The following GRHL1 variants were observed in gnomAD, a reference collection of about 807,000 sequenced individuals.
GRHL1 encodes the protein grainyhead-like protein 1 homolog.
A neutral mutation model predicts 75.7 loss-of-function variants in GRHL1; 38 were observed. The ratio of observed to expected loss-of-function variants is 0.50; its 90% CI spans 0.39 to 0.66. GRHL1 has a LOEUF of 0.66. GRHL1 is among the 30% of genes least tolerant of loss of function. GRHL1 has a pLI of 0.00. For synonymous variants in GRHL1, 266 were observed against 279.4 expected, an observed-to-expected ratio of 0.95 and a Z score of 0.48; for missense variants, 589 against 767.5, an observed-to-expected ratio of 0.77 and a Z score of 2.75.
intron 8 of GRHL1, among the ~76,000 whole-genome samples, chr2:9,983,839 A>G (rs1263248438): frequency 6.7e-6 from 1 of 149,002 alleles, no homozygotes; most frequent in Non-Finnish European, 1.5e-5. Flanking sequence ...TTGTGGATTT[A>G]GAGATTGTAC....
intron 2 of GRHL1, among the ~76,000 whole-genome samples, chr2:9,957,002 C>CTTT (rs764835142): frequency 4.4e-5 from 5 of 113,840 alleles, no homozygotes; most frequent in Admixed American, 8.8e-5. Flanking sequence ...TCTTCTTCTT[C>CTTT]TTTTTTTTTT....
Position 10,000,575 on chromosome 2 carries a change from T to C in GRHL1, c.1743-18T>C. 6.6e-7 allele frequency: 1 copy of C among 1,521,868 alleles called. No individual in the cohort carries two copies. Among genetic ancestry groups the C allele is most frequent in the Non-Finnish European group, 9.1e-7 (1 of 1,096,788 alleles). The allele number at this position is 1,521,868 out of a possible 1,614,324, so 94.3% of individuals were successfully genotyped here. On this transcript the variant is annotated intron_variant, in intron 15 of 15. Coordinates refer to ENST00000324907, the MANE Select transcript of GRHL1 (RefSeq NM_198182.3). ...CAAGTGGCAGTGAAGTTGGTTGGTC[T>C]TGTCCCCCCCCATCCAGGATCCTGG...
chr2:9,994,187 C>T (rs1354481141), intron 12 of GRHL1, among the ~76,000 whole-genome samples: 3 of 152,004 alleles, frequency 2.0e-5, no homozygotes, highest in African/African-American at 7.3e-5. Flanking sequence ...CTCTGAGGCC[C>T]ATGTAGGAGT....
rs1668413599 is a variant in GRHL1, at chr2:9,986,263, T to C, written c.1250T>C (p.Ile417Thr). The C allele has an allele frequency of 1.9e-6, 3 of 1,613,468 alleles. No homozygotes were observed. The highest frequency in any genetic ancestry group is 2.5e-6 in the Non-Finnish European group (3 of 1,179,786). Residue 417 changes from isoleucine to threonine, a missense_variant, in exon 9 of 16, where the codon ATC becomes ACC. This residue lies in a region of GRHL1 where 30 missense variants were observed against 40.3 expected (regional missense o/e 0.74). Transcript: ENST00000324907. ...CCTGTGCACCGGGCCTACTGCCAGA[T>C]CAAGGTCTTCTGTGACAAGGTAAGA... ...NKPVHRAYCQ[I>T]KVFCDKGAER...
Position 9,981,601 on chromosome 2 carries a change from G to A in GRHL1, c.1111-4523G>A, listed in dbSNP as rs549641891. Among the ~76,000 whole-genome samples the A allele has an allele frequency of 2.6e-5, 4 of 152,350 alleles. No individual in the cohort carries two copies. The South Asian group carries it at 8.3e-4, about 32-fold the overall frequency. On this transcript the variant is annotated intron_variant, in intron 8 of 15. Transcript: ENST00000324907. ...TACACTATTACTGCAGAGTCGAGTA[G>A]TTGCATATGACCTACGGATGTGAAA... is the stretch of plus-strand genomic sequence containing the variant.
At chr2:9,995,527 G>A (rs2125245755) in intron 12 of GRHL1, among the ~76,000 whole-genome samples, 1 of 150,878 alleles carries the variant, frequency 6.6e-6, no homozygotes, top group East Asian at 2.0e-4. Context: ...GCAGTGAGCC[G>A]TGATCCATGA....
chr2:9,977,090 C>A (rs1667978810), intron 8 of GRHL1, among the ~76,000 whole-genome samples: 1 of 152,194 alleles, frequency 6.6e-6, no homozygotes, highest in Non-Finnish European at 1.5e-5. Context: ...GGGTCCTCTA[C>A]TAGAGGTTGG....
rs775251158 is a variant in GRHL1 at position 9,961,472 on chromosome 2, G to A, written c.669+36G>A. The A allele has an allele frequency of 1.9e-5, 29 of 1,558,798 alleles. No homozygotes were observed. In the East Asian group the frequency reaches 5.0e-4, roughly 27 times the overall value. ...AAAAACATCTTCCTAAGACGCCTGC[G>A]TGTTTGTATAAGTATTGGGTTCCAC... is the stretch of plus-strand genomic sequence containing the variant. On this transcript the variant is annotated intron_variant, in intron 4 of 15. Coordinates refer to ENST00000324907, the MANE Select transcript of GRHL1 (RefSeq NM_198182.3).
Position 9,986,268 on chromosome 2 carries a change from G to A in GRHL1, c.1255G>A (p.Val419Ile). 6.2e-7 allele frequency: 1 copy of A among 1,613,252 alleles called. No individual in the cohort carries two copies. The highest frequency in any genetic ancestry group is 8.5e-7 in the Non-Finnish European group (1 of 1,179,710). The change falls in exon 9 of 16, where the codon GTC (valine) becomes ATC (isoleucine). Residue 419 changes from valine to isoleucine, a missense_variant. Physicochemically the swap from Val to Ile is conservative, Grantham distance 29. Coordinates refer to ENST00000324907, the MANE Select transcript of GRHL1 (RefSeq NM_198182.3). ...GCACCGGGCCTACTGCCAGATCAAG[G>A]TCTTCTGTGACAAGGTAAGATCGGC... ...PVHRAYCQIKVFCDKGAERKI... is the reference protein window; with the variant it reads ...PVHRAYCQIKIFCDKGAERKI...
At position 9,961,103 on chromosome 2, in the gene GRHL1, G is replaced by T; in HGVS notation, c.336G>T (p.Val112=). 2 of 1,572,466 alleles carry T rather than the reference G, an allele frequency of 1.3e-6. No homozygotes were observed. The change falls in exon 4 of 16, where the codon GTG becomes GTT. Residue 112 remains valine, a synonymous_variant. Coordinates refer to ENST00000324907, the MANE Select transcript of GRHL1 (RefSeq NM_198182.3). ...TCATCTCTGCTGGAGAAAACAGAGT[G>T]CAAGTACTGAAAAATGTGCCATTTA... is the stretch of plus-strand genomic sequence containing the variant. ...QPLISAGENR[V]QVLKNVPFNI...
intron 8 of GRHL1, among the ~76,000 whole-genome samples, chr2:9,978,632 A>G (rs1668052957): frequency 6.6e-6 from 1 of 152,304 alleles, no homozygotes; most frequent in East Asian, 1.9e-4. Flanking sequence ...TGCCTCGATG[A>G]GCACCTGTGA....
At chr2:9,962,154 C>G (rs1667306661) in intron 4 of GRHL1, among the ~76,000 whole-genome samples, 2 of 152,010 alleles carry the variant, frequency 1.3e-5, no homozygotes, top group Admixed American at 1.3e-4. Context: ...GTTGCAGGTC[C>G]TAGTGTTTGA....
chr2:10,000,474 T>C, intron 15 of GRHL1, 119 bp from the exon 16 acceptor site: 1 of 650,548 alleles, frequency 1.5e-6, no homozygotes, highest in Non-Finnish European at 2.8e-6. Flanking sequence ...CTTAAGGAGA[T>C]TTAAATAATT....
At chr2:9,953,879 A>C (rs1397971056) in intron 1 of GRHL1, among the ~76,000 whole-genome samples, 2 of 152,246 alleles carry the variant, frequency 1.3e-5, no homozygotes, top group African/African-American at 4.8e-5. Context: ...GAGGAGTTCC[A>C]AACATTTAAA....
chr2:9,993,760 A>G (rs1445379786), intron 12 of GRHL1, among the ~76,000 whole-genome samples: 1 of 152,134 alleles, frequency 6.6e-6, no homozygotes, highest in Non-Finnish European at 1.5e-5. Context: ...ATCTGTTACT[A>G]ATGGTGTTCT....
At chr2:9,989,673 C>A (rs373996906) in intron 9 of GRHL1, among the ~76,000 whole-genome samples, 1 of 152,086 alleles carries the variant, frequency 6.6e-6, no homozygotes, top group Admixed American at 6.6e-5. Flanking sequence ...CTCAGCCTCC[C>A]GAGTAGCTGG....
chr2:9,952,011 C>T (rs1321676890), intron 1 of GRHL1, among the ~76,000 whole-genome samples, 158 bp downstream of exon 1: 3 of 151,586 alleles, frequency 2.0e-5, no homozygotes, highest in Admixed American at 6.6e-5. Flanking sequence ...ACGGCCTTTG[C>T]CCCTTAGCCC....
At chr2:9,956,797 T>A (rs1667046005) in intron 2 of GRHL1, among the ~76,000 whole-genome samples, 1 of 152,208 alleles carries the variant, frequency 6.6e-6, no homozygotes, top group African/African-American at 2.4e-5. Context: ...TACATATTTT[T>A]AACTGAAACT....
chr2:9,995,608 C>G (rs938720366), intron 12 of GRHL1, among the ~76,000 whole-genome samples: 1 of 150,520 alleles, frequency 6.6e-6, no homozygotes, highest in African/African-American at 2.4e-5. Context: ...AAAACCAAAG[C>G]GCCTCATCTT....
Sources: allele counts gnomAD v4.1 joint callset (sites outside exome capture counted in the v4.1 genomes callset), GRCh38; gene constraint gnomAD v4.1.1; regional missense constraint gnomAD v4.1.1; transcripts MANE v1.5; gene names NCBI Gene and HGNC (gene_info 2026-07-23, HGNC 2026-07-21).